ZNF687: variants seen among roughly 807,000 people sequenced by gnomAD.
ZNF687 encodes the protein zinc finger protein 687.
In ZNF687, 13 loss-of-function variants were observed where a neutral mutation model predicts 71.8. That is an observed-to-expected ratio of 0.18 (90% CI 0.12 to 0.29). The LOEUF (loss-of-function observed/expected upper bound fraction) is 0.29. ZNF687 is among the 10% of genes least tolerant of loss of function. The pLI is 1.00. For synonymous variants in ZNF687, 673 were observed against 641.6 expected (o/e 1.05, Z -0.74); for missense variants, 1,412 against 1,625.6 (o/e 0.87, Z 2.26).
In ZNF687 at chr1:151,288,388, C is replaced by G; in HGVS notation, c.2097C>G (p.Ala699=). 3 of 1,605,362 alleles carry G rather than the reference C, an allele frequency of 1.9e-6. No individual in the cohort carries two copies. Among genetic ancestry groups the G allele is most frequent in the Non-Finnish European group, 2.5e-6 (3 of 1,176,908 alleles). Reference sequence around the variant, plus strand: ...ACTTCCAGCAGCTCGGCCCCCCTGCCCCTGGGGCCACCAGCAATGTGAGTC... The same window carrying G: ...ACTTCCAGCAGCTCGGCCCCCCTGCGCCTGGGGCCACCAGCAATGTGAGTC... ...AAHFQQLGPP[A]PGATSNVCPT... Residue 699 remains alanine, a synonymous_variant, in exon 2 of 9, where the codon GCC becomes GCG. Coordinates refer to ENST00000336715, the MANE Select transcript of ZNF687 (RefSeq NM_020832.3).
At chr1:151,282,423 C>T (rs1158241897) in intron 1 of ZNF687, 28 bp downstream of exon 1, 1 of 986,032 alleles carries the variant, frequency 1.0e-6, no homozygotes, top group Non-Finnish European at 1.2e-6. Context: ...AAATACCCGC[C>T]CTTGGCTCCG....
chr1:151,289,837 CCCAGCT>C lies in ZNF687; in HGVS notation c.2797_2802del (p.Ser933_Ser934del), dbSNP rs1296908409. The C allele has an allele frequency of 8.9e-6, 14 of 1,569,054 alleles. No homozygotes were observed. The African/African-American group carries it at 1.6e-4, about 18-fold the overall frequency. On this transcript the variant is annotated inframe_deletion, in exon 6 of 9. Transcript: ENST00000336715. Reference sequence around the variant, plus strand: ...TTCATCTTCAGAAGAGGAGGAAGTACCCAGCTCCCCTGAGCCCCCCCGTCCAGCCAA... The same window carrying C: ...TTCATCTTCAGAAGAGGAGGAAGTACCCCCTGAGCCCCCCCGTCCAGCCAA...
chr1:151,286,126 C>G (rs766223439), intron 1 of ZNF687, 149 bp from the exon 2 acceptor site: 8 of 605,736 alleles, frequency 1.3e-5, no homozygotes, highest in Non-Finnish European at 2.2e-5. Context: ...CCTAGCAGCT[C>G]TGTAGGATTC....
chr1:151,287,055 C>T lies in ZNF687; in HGVS notation c.764C>T (p.Pro255Leu). ...GACATCCCTGCCAGTGCCTCGCCTC[C>T]CCCAGTTGCTGGGGTGCCCTTCTTC... The part of the protein sequence containing the change: ...ATDIPASASP[P>L]PVAGVPFFKQ... The change falls in exon 2 of 9, where the codon CCC (proline) becomes CTC (leucine). Residue 255 changes from proline (P) to leucine (L), a missense_variant. Coordinates refer to ENST00000336715, the MANE Select transcript of ZNF687 (RefSeq NM_020832.3). This position sits in a 1 kb window ranked among gnomAD's most constrained non-coding sequence, Gnocchi z 5.0. The T allele has an allele frequency of 6.2e-7, 1 of 1,610,960 alleles. No homozygotes were observed. The highest frequency in any genetic ancestry group is 8.5e-7 in the Non-Finnish European group (1 of 1,177,660).
At position 151,287,179 on chromosome 1, in the gene ZNF687, G is replaced by C. The variant is rs1186231477; in HGVS notation, c.888G>C (p.Lys296Asn). 6.2e-7 allele frequency: 1 copy of C among 1,614,196 alleles called. No homozygotes were observed. The change falls in exon 2 of 9, where the codon AAG becomes AAC. Residue 296 changes from lysine (K) to asparagine (N), a missense_variant. Lys to Asn is a moderately conservative substitution (Grantham distance 94). Coordinates refer to ENST00000336715, the MANE Select transcript of ZNF687 (RefSeq NM_020832.3). The surrounding 1 kb of genome is among the most constrained non-coding windows in gnomAD (Gnocchi z 5.0). ...ATGATGATGAGGGGCCAGTGGACAAGTCTTCCCCAGGAAGTCCCCAGAGTC... is the reference window on the plus strand; with the variant it reads ...ATGATGATGAGGGGCCAGTGGACAACTCTTCCCCAGGAAGTCCCCAGAGTC... The part of the protein sequence containing the change: ...EEDDDEGPVD[K>N]SSPGSPQSPS...
chr1:151,291,448 A>G lies in ZNF687; in HGVS notation c.*239A>G, dbSNP rs1694245554. The stretch of plus-strand genomic sequence containing the variant: ...ATTCCTCCTTTCTGAGCCCAACACT[A>G]ATTAATTTTATGCTCCTGCTGCAGA... On this transcript the variant is annotated 3_prime_UTR_variant, in exon 9 of 9. Coordinates refer to ENST00000336715, the MANE Select transcript of ZNF687 (RefSeq NM_020832.3). 3 of 491,292 alleles carry G rather than the reference A, an allele frequency of 6.1e-6. No individual in the cohort carries two copies. The highest frequency in any genetic ancestry group is 1.9e-5 in the African/African-American group (1 of 51,282). The allele number at this position is 491,292 out of a possible 1,614,324, so 30.4% of individuals were successfully genotyped here.
At position 151,287,996 on chromosome 1, in the gene ZNF687, C is replaced by A; in HGVS notation, c.1705C>A (p.Arg569Ser). ...IEVTCNHCAR[R>S]LVFFNKCSLL... Reference sequence around the variant, plus strand: ...GGTCACCTGCAACCACTGCGCCCGCCGCCTGGTCTTCTTCAACAAGTGCAG... The same window carrying A: ...GGTCACCTGCAACCACTGCGCCCGCAGCCTGGTCTTCTTCAACAAGTGCAG... The change falls in exon 2 of 9, where the codon CGC becomes AGC. Residue 569 changes from arginine (R) to serine (S), a missense_variant. Physicochemically the swap from Arg to Ser is moderately radical, Grantham distance 110. Transcript: ENST00000336715. This position sits in a 1 kb window ranked among gnomAD's most constrained non-coding sequence, Gnocchi z 5.0. 1 of 1,614,030 alleles carries A rather than the reference C, an allele frequency of 6.2e-7. No homozygotes were observed.
upstream of ZNF687, chr1:151,281,647 G>A (rs1190562243): frequency 6.4e-6 from 3 of 469,466 alleles, no homozygotes; most frequent in Non-Finnish European, 1.3e-5. Flanking sequence ...GCTGAACCGC[G>A]CGAGGACCCC....
intron 1 of ZNF687, among the ~76,000 whole-genome samples, chr1:151,282,804 G>T (rs1026245357): frequency 6.6e-6 from 1 of 152,142 alleles, no homozygotes; most frequent in Admixed American, 6.5e-5. Context: ...TCCGGGCCCG[G>T]GCAAGACTCA....
chr1:151,290,724 C>T lies in ZNF687; in HGVS notation c.3229C>T (p.Arg1077Trp), dbSNP rs767678157. ...GSSARAQGPG[R>W]KRRQSSDSCS... is the part of the protein sequence containing the mutation. The stretch of plus-strand genomic sequence containing the variant: ...TTCCACTTTTCTTCAGGGGCCAGGT[C>T]GGAAACGCCGCCAGTCTTCTGACTC... The change falls in exon 9 of 9, where the codon CGG (arginine) becomes TGG (tryptophan). Residue 1077 changes from arginine to tryptophan, a missense_variant. Physicochemically the swap from Arg to Trp is moderately radical, Grantham distance 101 (BLOSUM62 -3). Around this residue, in one of 8 missense-constraint regions of ZNF687, gnomAD observed 284 missense variants for 359.2 expected, o/e 0.79. Transcript: ENST00000336715. The T allele has an allele frequency of 8.1e-6, 13 of 1,601,118 alleles. No homozygotes were observed. The highest frequency in any genetic ancestry group is 1.0e-5 in the Non-Finnish European group (12 of 1,172,486).
In ZNF687 at chr1:151,290,974, A is replaced by G; in HGVS notation, c.3479A>G (p.Lys1160Arg). ...CGACACCGTTTCATCAGCCACAAGA[A>G]GAGACGGGGTGTGGGTAAAGCCAGT... is the stretch of plus-strand genomic sequence containing the variant. Reference protein sequence around the residue: ...LSRHRFISHKKRRGVGKASAL... With the variant: ...LSRHRFISHKRRRGVGKASAL... Residue 1160 changes from lysine to arginine, a missense_variant, in exon 9 of 9, where the codon AAG becomes AGG. Coordinates refer to ENST00000336715, the MANE Select transcript of ZNF687 (RefSeq NM_020832.3). 1 of 1,614,006 alleles carries G rather than the reference A, an allele frequency of 6.2e-7. No individual in the cohort carries two copies. Among genetic ancestry groups the G allele is most frequent in the Non-Finnish European group, 8.5e-7 (1 of 1,180,010 alleles).
intron 8 of ZNF687, 62 bp downstream of exon 8, chr1:151,290,635 A>G: frequency 1.3e-6 from 2 of 1,585,036 alleles, no homozygotes; most frequent in Non-Finnish European, 1.7e-6. Flanking sequence ...GGCAGAGACC[A>G]TGGCCTCAGG....
Position 151,288,570 on chromosome 1 carries a change from T to G in ZNF687, c.2158T>G (p.Phe720Val). The G allele has an allele frequency of 6.2e-7, 1 of 1,613,754 alleles. No individual in the cohort carries two copies. The highest frequency in any genetic ancestry group is 8.5e-7 in the Non-Finnish European group (1 of 1,179,834). ...CATGATGCTCCCCAATCGCTGCAGCTTCAGCGCCCACCAGCGCATGCATAA... is the reference window on the plus strand; with the variant it reads ...CATGATGCTCCCCAATCGCTGCAGCGTCAGCGCCCACCAGCGCATGCATAA... ...CPMMLPNRCS[F>V]SAHQRMHKNR... Residue 720 changes from phenylalanine to valine, a missense_variant, in exon 3 of 9, where the codon TTC becomes GTC. Physicochemically the swap from Phe to Val is conservative, Grantham distance 50. Transcript: ENST00000336715.
At position 151,289,549 on chromosome 1, in the gene ZNF687, G is replaced by A. The variant is rs587752983; in HGVS notation, c.2634+9G>A. 8.1e-6 allele frequency: 13 copies of A among 1,614,086 alleles called. No individual in the cohort carries two copies. Among genetic ancestry groups the A allele is most frequent in the African/African-American group, 4.0e-5 (3 of 75,076 alleles). On this transcript the variant is annotated intron_variant, in intron 5 of 8. Coordinates refer to ENST00000336715, the MANE Select transcript of ZNF687 (RefSeq NM_020832.3). ...TGCTGGAACATCTCAAGGTACAGGA[G>A]CAGAGGGATGGGGAATGGGTGCTTA...
At chr1:151,281,633 A>G (rs747172005), upstream of ZNF687, 8 of 470,908 alleles carry the variant, frequency 1.7e-5, no homozygotes, top group Non-Finnish European at 2.2e-5. Flanking sequence ...GCTGTCGCCC[A>G]GGAGCTGAAC....
intron 1 of ZNF687, among the ~76,000 whole-genome samples, chr1:151,284,602 C>A (rs1428088307): frequency 6.6e-6 from 1 of 152,112 alleles, no homozygotes; most frequent in African/African-American, 2.4e-5. Context: ...TGCATGACCC[C>A]TGACTCTTGC....
At chr1:151,289,594 G>A in intron 5 of ZNF687, 54 bp downstream of exon 5, 1 of 1,611,414 alleles carries the variant, frequency 6.2e-7, no homozygotes, top group South Asian at 1.1e-5. Context: ...ACCTGGGGCT[G>A]GGGCCACATA....
chr1:151,288,197 G>A lies in ZNF687; in HGVS notation c.1906G>A (p.Gly636Ser), dbSNP rs12745008. The change falls in exon 2 of 9, where the codon GGT becomes AGT. Residue 636 changes from glycine to serine, a missense_variant. Around this residue, in one of 8 missense-constraint regions of ZNF687, gnomAD observed 207 missense variants for 239.2 expected, o/e 0.87. Coordinates refer to ENST00000336715, the MANE Select transcript of ZNF687 (RefSeq NM_020832.3). ...GPLALPALGK[G>S]EGAITSSAIT... ...TCTGGCCTTGCCTGCCTTGGGCAAG[G>A]GTGAGGGGGCCATCACCTCCTCTGC... 56,748 of 1,613,814 alleles carry A rather than the reference G, an allele frequency of 0.035. 1,164 individuals carry two copies. The highest frequency in any genetic ancestry group is 0.054 in the Middle Eastern group (328 of 6,048).
Position 151,289,384 on chromosome 1 carries a change from C to G in ZNF687, c.2478C>G (p.Ile826Met), listed in dbSNP as rs750441352. ...TGCACTGTCCTCACTTCAGGCTGAT[C>G]TACAAGTGCGCCATGTGCGACACAG... Reference protein sequence around the residue: ...PSFQTQQAKLIYKCAMCDTVF... With the variant: ...PSFQTQQAKLMYKCAMCDTVF... The change falls in exon 5 of 9, where the codon ATC becomes ATG. Residue 826 changes from isoleucine to methionine, a missense_variant. By Grantham distance (10) the Ile-to-Met change is conservative. This residue lies in a region of ZNF687 where 106 missense variants were observed against 146.0 expected (regional missense o/e 0.73). Coordinates refer to ENST00000336715, the MANE Select transcript of ZNF687 (RefSeq NM_020832.3). The G allele has an allele frequency of 1.4e-5, 22 of 1,614,072 alleles. No homozygotes were observed. Among genetic ancestry groups the G allele is most frequent in the Non-Finnish European group, 1.9e-5 (22 of 1,180,052 alleles).
Sources: allele counts gnomAD v4.1 joint callset (sites outside exome capture counted in the v4.1 genomes callset), GRCh38; gene constraint gnomAD v4.1.1; regional missense constraint gnomAD v4.1.1; non-coding constraint Gnocchi (gnomAD v3.1); transcripts MANE v1.5; gene names NCBI Gene and HGNC (gene_info 2026-07-23, HGNC 2026-07-21).